TUBB8: variants seen among roughly 807,000 people sequenced by gnomAD.
TUBB8 encodes the protein tubulin beta-8 chain.
A neutral mutation model predicts 33.7 loss-of-function variants in TUBB8; 25 were observed. That is an observed-to-expected ratio of 0.74 (90% CI 0.54 to 1.04). The LOEUF is 1.04. TUBB8 is among the 50% of genes least tolerant of loss of function. The probability of loss-of-function intolerance (pLI) is 0.00; values close to 1 mark genes in which losing one functional copy is unlikely to be tolerated. For synonymous variants in TUBB8, 245 were observed against 240.1 expected (o/e 1.02, Z -0.19); for missense variants, 279 against 608.0 (o/e 0.46, Z 5.69).
chr10:46,936 T>C lies in TUBB8; in HGVS notation c.*121A>G, dbSNP rs1265562932. Reference sequence around the variant, plus strand: ...TAGTCAAAACCGCATACTATAAAAATGCTTTAAAACGCAGCAGGAGATGTG... The same window carrying C: ...TAGTCAAAACCGCATACTATAAAAACGCTTTAAAACGCAGCAGGAGATGTG... On this transcript the variant is annotated 3_prime_UTR_variant, in exon 4 of 4. Coordinates refer to ENST00000568584, the MANE Select transcript of TUBB8 (RefSeq NM_177987.3). The C allele has an allele frequency of 1.7e-5, 10 of 588,814 alleles. No homozygotes were observed. Among genetic ancestry groups the C allele is most frequent in the Non-Finnish European group, 2.4e-5 (8 of 334,730 alleles). The allele number at this position is 588,814 out of a possible 1,614,324, so 36.5% of individuals were successfully genotyped here.
upstream of TUBB8, among the ~76,000 whole-genome samples, chr10:52,349 A>G (rs555383721): frequency 1.3e-5 from 2 of 152,302 alleles, no homozygotes; most frequent in East Asian, 3.9e-4. Context: ...TTGCTGAAAG[A>G]TGTTGCTAGA....
At chr10:56,804 A>G (rs534135544) in intron 1 of TUBB8, among the ~76,000 whole-genome samples, 100 of 152,298 alleles carry the variant, frequency 6.6e-4, no homozygotes, top group African/African-American at 2.3e-3. Context: ...TGGCCATTCC[A>G]AATCTCATAT....
At chr10:64,258 T>TG (rs1213350958) in intron 1 of TUBB8, among the ~76,000 whole-genome samples, 1 of 151,742 alleles carries the variant, frequency 6.6e-6, no homozygotes, top group Non-Finnish European at 1.5e-5. Flanking sequence ...GGCTACCATA[T>TG]AAGTTTATTC....
chr10:57,715 C>T (rs1441354182), intron 1 of TUBB8, among the ~76,000 whole-genome samples: 1 of 152,208 alleles, frequency 6.6e-6, no homozygotes, highest in African/African-American at 2.4e-5. Context: ...AAACTATTCT[C>T]TTCTTTTAGG....
upstream of TUBB8, among the ~76,000 whole-genome samples, chr10:76,440 C>T (rs1397563398): frequency 1.3e-5 from 2 of 152,222 alleles, no homozygotes; most frequent in Non-Finnish European, 2.9e-5. Flanking sequence ...GCTGCACTCA[C>T]AGCGGCGGCA....
At chr10:70,989 G>T (rs1554742238) in intron 1 of TUBB8, among the ~76,000 whole-genome samples, 1 of 152,114 alleles carries the variant, frequency 6.6e-6, no homozygotes, top group Non-Finnish European at 1.5e-5. Flanking sequence ...AGAAAAGCTT[G>T]GAGTGACCCT....
intron 1 of TUBB8, among the ~76,000 whole-genome samples, chr10:56,926 T>C (rs1243897714): frequency 1.3e-5 from 2 of 152,158 alleles, no homozygotes; most frequent in Non-Finnish European, 2.9e-5. Flanking sequence ...AGCTAGTTTA[T>C]TCCTCCTATA....
chr10:69,754 G>A (rs1245343005), intron 1 of TUBB8, among the ~76,000 whole-genome samples: 36 of 152,288 alleles, frequency 2.4e-4, no homozygotes, highest in Admixed American at 2.2e-3. Context: ...AAAATTAGCT[G>A]AGCACGGTTG....
upstream of TUBB8, chr10:49,742 T>A: frequency 8.1e-6 from 3 of 368,184 alleles, no homozygotes; most frequent in Non-Finnish European, 1.6e-5. Context: ...GGAGCAGTTC[T>A]AACCCACAAT....
chr10:48,374 C>G lies in TUBB8; in HGVS notation c.277+241G>C, dbSNP rs1554738703. On this transcript the variant is annotated intron_variant, in intron 3 of 3. Coordinates refer to ENST00000568584, the MANE Select transcript of TUBB8 (RefSeq NM_177987.3). ...GCCCATTCTCAGGAAAGGCAGTAGC[C>G]ACGGCCCCAGCTCAGGTTCTTGCAG... 1.7e-5 allele frequency: 11 copies of G among 632,066 alleles called. No individual in the cohort carries two copies. The East Asian group carries it at 3.0e-4, about 17-fold the overall frequency. 39.2% of individuals were successfully genotyped at this position (632,066 alleles called of 1,614,324 possible).
chr10:58,224 G>A (rs545879675), intron 1 of TUBB8, among the ~76,000 whole-genome samples: 1 of 152,280 alleles, frequency 6.6e-6, no homozygotes, highest in African/African-American at 2.4e-5. Flanking sequence ...AGCCTTCACT[G>A]TCCAGATCAC....
chr10:64,511 C>CACCCTA (rs1478269000), intron 1 of TUBB8, among the ~76,000 whole-genome samples: 1 of 87,388 alleles, frequency 1.1e-5, no homozygotes, highest in Non-Finnish European at 2.3e-5. Flanking sequence ...CCCTCACCCT[C>CACCCTA]ACCCTAACCC....
chr10:47,456 C>T lies in TUBB8; in HGVS notation c.936G>A (p.Thr312=), dbSNP rs782449939. The T allele has an allele frequency of 8.1e-6, 13 of 1,612,258 alleles. No individual in the cohort carries two copies. Among genetic ancestry groups the T allele is most frequent in the East Asian group, 4.5e-5 (2 of 44,882 alleles). ...ACDPRHGRYL[T]AAAIFRGRMP... ...TGCGACCCCTGAAAATGGCAGCCGC[C>T]GTTAGGTAGCGGCCGTGACGGGGGT... The change falls in exon 4 of 4, where the codon ACG becomes ACA. Residue 312 remains threonine (T), a synonymous_variant. Coordinates refer to ENST00000568584, the MANE Select transcript of TUBB8 (RefSeq NM_177987.3).
chr10:73,968 CT>C, exon 1 of TUBB8: 1 of 156,762 alleles, frequency 6.4e-6, no homozygotes. Context: ...CTTTTCCTCA[CT>C]TTTGCCTCGG....
At chr10:51,047 A>G (rs1295288263), upstream of TUBB8, among the ~76,000 whole-genome samples, 1 of 152,168 alleles carries the variant, frequency 6.6e-6, no homozygotes, top group Non-Finnish European at 1.5e-5. Flanking sequence ...TGTGGGAGGG[A>G]CCCAGTGGGA....
intron 1 of TUBB8, among the ~76,000 whole-genome samples, chr10:61,724 G>A (rs1834604383): frequency 6.6e-6 from 1 of 152,168 alleles, no homozygotes; most frequent in East Asian, 1.9e-4. Context: ...TTATTGTATT[G>A]ATGTCTCTTT....
intron 1 of TUBB8, among the ~76,000 whole-genome samples, chr10:61,465 G>C (rs1407679347): frequency 6.6e-6 from 1 of 152,180 alleles, no homozygotes; most frequent in Non-Finnish European, 1.5e-5. Flanking sequence ...TGTGGTCAGA[G>C]AAAATGCTTG....
chr10:59,866 G>T (rs1187093566), intron 1 of TUBB8, among the ~76,000 whole-genome samples: 2 of 152,166 alleles, frequency 1.3e-5, no homozygotes, highest in African/African-American at 4.8e-5. Context: ...GGTAAGTTGT[G>T]TGTGTCTAAG....
intron 1 of TUBB8, among the ~76,000 whole-genome samples, chr10:73,511 C>T (rs1319542245): frequency 6.6e-6 from 1 of 152,180 alleles, no homozygotes; most frequent in Non-Finnish European, 1.5e-5. Flanking sequence ...GGCGTGCTGG[C>T]GCATGCCTGT....
Sources: gnomAD v4.1 joint callset for allele counts (sites outside exome capture counted in the v4.1 genomes callset) on GRCh38, gnomAD v4.1.1 for gene constraint, MANE v1.5 for transcripts, NCBI Gene and HGNC (gene_info 2026-07-23, HGNC 2026-07-21) for gene names.